Variants in RCL1 observed in about 807,000 individuals in gnomAD.
The protein encoded by RCL1 is RNA 3'-terminal phosphate cyclase-like protein.
A neutral mutation model predicts 42.4 loss-of-function variants in RCL1; 24 were observed. The ratio of observed to expected loss-of-function variants is 0.57; its 90% CI spans 0.41 to 0.80. RCL1 has a LOEUF of 0.80. RCL1 is among the 30% of genes least tolerant of loss of function. The pLI, the probability that RCL1 is intolerant of heterozygous loss-of-function variation, is 0.00. For missense variants in RCL1, 578 were observed against 467.9 expected, an observed-to-expected ratio of 1.24 and a Z score of -2.17; for synonymous variants, 228 against 177.3, an observed-to-expected ratio of 1.29 and a Z score of -2.27.
intron 7 of RCL1, among the ~76,000 whole-genome samples, chr9:4,848,169 C>T (rs536794090): frequency 6.6e-6 from 1 of 152,200 alleles, no homozygotes; most frequent in African/African-American, 2.4e-5. Context: ...TTTTGTTGGT[C>T]GTCATATTTT....
Position 4,820,007 on chromosome 9 carries a change from T to C in RCL1, c.137-3541T>C, listed in dbSNP as rs1195756666. Reference sequence around the variant, plus strand: ...AAAGAAATATAACTTTGCTAACATCTGTACATCTTTTAGCTATTTACAGCT... The same window carrying C: ...AAAGAAATATAACTTTGCTAACATCCGTACATCTTTTAGCTATTTACAGCT... On this transcript the variant is annotated intron_variant, in intron 1 of 8. Transcript: ENST00000381750. Among the ~76,000 whole-genome samples, 6 of 152,222 alleles carry C rather than the reference T, an allele frequency of 3.9e-5. No individual in the cohort carries two copies. In the South Asian group the frequency reaches 1.0e-3, roughly 26 times the overall value.
At chr9:4,849,282 T>C (rs1436497223) in intron 7 of RCL1, among the ~76,000 whole-genome samples, 165 bp from the exon 8 acceptor site, 1 of 152,132 alleles carries the variant, frequency 6.6e-6, no homozygotes, top group African/African-American at 2.4e-5. Context: ...CCCTCTACAG[T>C]TAGTTGATAC....
At chr9:4,804,280 A>C (rs544965487) in intron 1 of RCL1, 1 of 152,762 alleles carries the variant, frequency 6.5e-6, no homozygotes, top group African/African-American at 2.4e-5. Flanking sequence ...TCCGGGGGGA[A>C]GTCGCCTTTG....
At chr9:4,841,185 C>G (rs1817306151) in intron 5 of RCL1, 47 bp from the exon 6 acceptor site, 4 of 1,609,430 alleles carry the variant, frequency 2.5e-6, no homozygotes, top group Admixed American at 1.7e-5. Flanking sequence ...TGATTTTTCT[C>G]TGTCCTGGAA....
intron 1 of RCL1, among the ~76,000 whole-genome samples, chr9:4,821,799 A>G (rs1816605862): frequency 6.6e-6 from 1 of 152,238 alleles, no homozygotes; most frequent in Non-Finnish European, 1.5e-5. Flanking sequence ...TTTTTATAGC[A>G]GCCCACTCTT....
chr9:4,855,201 C>A (rs1336955953), intron 8 of RCL1, among the ~76,000 whole-genome samples: 2 of 152,106 alleles, frequency 1.3e-5, no homozygotes, highest in Non-Finnish European at 2.9e-5. Context: ...AAAAAAAAAG[C>A]CTCACTGCAG....
intron 7 of RCL1, among the ~76,000 whole-genome samples, chr9:4,846,437 T>A (rs1303951656): frequency 6.6e-6 from 1 of 152,236 alleles, no homozygotes; most frequent in East Asian, 1.9e-4. Flanking sequence ...TGGTGCTAAA[T>A]CAGTTTACTT....
intron 1 of RCL1, among the ~76,000 whole-genome samples, chr9:4,801,897 C>A (rs939855063): frequency 6.6e-6 from 1 of 151,596 alleles, no homozygotes; most frequent in Admixed American, 6.6e-5. Flanking sequence ...CTGTCTCTTG[C>A]CAACACGACA....
chr9:4,846,343 G>C (rs1286482895), intron 7 of RCL1, among the ~76,000 whole-genome samples: 1 of 152,238 alleles, frequency 6.6e-6, no homozygotes, highest in African/African-American at 2.4e-5. Context: ...CTGGGAAATA[G>C]TAGAAGAAGG....
chr9:4,819,787 CAG>C (rs1333469832), intron 1 of RCL1, among the ~76,000 whole-genome samples: 1 of 152,180 alleles, frequency 6.6e-6, no homozygotes, highest in African/African-American at 2.4e-5. Flanking sequence ...AGCCTGGTGA[CAG>C]AGCGAGACTC....
At chr9:4,839,590 C>T (rs568985833) in intron 5 of RCL1, 2 of 880,540 alleles carry the variant, frequency 2.3e-6, no homozygotes, top group African/African-American at 1.8e-5. Flanking sequence ...GACTGTTTGT[C>T]TAAGCTGTCT....
intron 5 of RCL1, among the ~76,000 whole-genome samples, chr9:4,837,141 T>C (rs1587721257): frequency 6.6e-6 from 1 of 152,102 alleles, no homozygotes; most frequent in African/African-American, 2.4e-5. Context: ...GAAATGGAAA[T>C]GCAATGTAAC....
Position 4,797,787 on chromosome 9 carries a change from A to G in RCL1, c.136+4560A>G, listed in dbSNP as rs148630267. 9.7e-4 allele frequency among the ~76,000 whole-genome samples: 148 copies of G among 152,258 alleles called. 2 individuals are homozygous for G. Among genetic ancestry groups the G allele is most frequent in the African/African-American group, 3.3e-3 (139 of 41,552 alleles). ...TAGAAACAAATGAGACACAGATCAA[A>G]CTCTGTGACTTCAGGCAAATCATTG... On this transcript the variant is annotated intron_variant, in intron 1 of 8. Coordinates refer to ENST00000381750, the MANE Select transcript of RCL1 (RefSeq NM_005772.5).
chr9:4,857,458 GAAAA>G (rs34756562), intron 8 of RCL1, among the ~76,000 whole-genome samples: 3 of 149,574 alleles, frequency 2.0e-5, no homozygotes, highest in African/African-American at 7.3e-5. Context: ...TTTTATGGCA[GAAAA>G]AAAAAAATCT....
intron 6 of RCL1, among the ~76,000 whole-genome samples, chr9:4,843,127 T>A (rs1311089299): frequency 6.6e-6 from 1 of 152,252 alleles, no homozygotes; most frequent in Non-Finnish European, 1.5e-5. Context: ...TTGGTTTTTT[T>A]AAATCTCCAG....
At chr9:4,853,892 G>T (rs910349241) in intron 8 of RCL1, among the ~76,000 whole-genome samples, 5 of 152,012 alleles carry the variant, frequency 3.3e-5, no homozygotes, top group African/African-American at 1.2e-4. Context: ...ACTGAGTGGG[G>T]CTTCCTAGCC....
At chr9:4,851,650 A>G (rs1314441395) in intron 8 of RCL1, among the ~76,000 whole-genome samples, 1 of 151,890 alleles carries the variant, frequency 6.6e-6, no homozygotes, top group Non-Finnish European at 1.5e-5. Context: ...TAACACATTT[A>G]TTTTTATGTG....
At chr9:4,823,477 C>T (rs1816660080) in intron 1 of RCL1, 71 bp from the exon 2 acceptor site, 1 of 1,197,292 alleles carries the variant, frequency 8.4e-7, no homozygotes, top group Non-Finnish European at 1.2e-6. Flanking sequence ...CAGGCATGTG[C>T]TCTGGAAATG....
At chr9:4,845,836 C>A (rs745584827) in intron 7 of RCL1, among the ~76,000 whole-genome samples, 1 of 152,194 alleles carries the variant, frequency 6.6e-6, no homozygotes, top group African/African-American at 2.4e-5. Flanking sequence ...TCTTCTTCCC[C>A]TAAGGAGCTG....
Sources: gnomAD v4.1 joint callset for allele counts (sites outside exome capture counted in the v4.1 genomes callset) on GRCh38, gnomAD v4.1.1 for gene constraint, MANE v1.5 for transcripts, NCBI Gene and HGNC (gene_info 2026-07-23, HGNC 2026-07-21) for gene names.